The following CENPM variants were observed in gnomAD, a reference collection of about 807,000 sequenced individuals.
CENPM encodes the protein interphase centromere complex protein 39.
CENPM carries 14 observed loss-of-function variants against 19.6 expected under a neutral mutation model. The observed-to-expected ratio is 0.71, with a 90% confidence interval of 0.47 to 1.11. The LOEUF is 1.11. Among genes scored for constraint, CENPM ranks in the 50% most tolerant of loss-of-function variants. The probability of loss-of-function intolerance (pLI) is 0.00; values close to 1 mark genes in which losing one functional copy is unlikely to be tolerated. For synonymous variants in CENPM, 114 were observed against 101.5 expected (o/e 1.12, Z -0.74); for missense variants, 239 against 228.4 (o/e 1.05, Z -0.30).
chr22:41,939,044 G>A lies in CENPM; in HGVS notation c.*12C>T, dbSNP rs373230417. 6 of 1,612,534 alleles carry A rather than the reference G, an allele frequency of 3.7e-6. No individual in the cohort carries two copies. The highest frequency in any genetic ancestry group is 5.1e-6 in the Non-Finnish European group (6 of 1,179,840). ...AAGCCATGAGAAGGGGCAGCCCAGG[G>A]GCCAGCCACCCTCACAGGTCCTCCA... On this transcript the variant is annotated 3_prime_UTR_variant, in exon 6 of 6. Transcript: ENST00000215980.
chr22:41,938,493 G>A (rs1316207055), downstream of CENPM, among the ~76,000 whole-genome samples: 6 of 151,380 alleles, frequency 4.0e-5, no homozygotes, highest in Admixed American at 4.0e-4. Context: ...AGCCTCCTGA[G>A]TAGCTGGGAC....
At chr22:41,933,979 C>T (rs79223566), downstream of CENPM, among the ~76,000 whole-genome samples, 610 of 152,290 alleles carry the variant, frequency 4.0e-3, 3 homozygotes, top group African/African-American at 0.014. Context: ...AGTTTCTCTC[C>T]AAGCCTCACA....
Position 41,946,026 on chromosome 22 carries a change from G to C in CENPM, c.138-21C>G, listed in dbSNP as rs777087149. 3.1e-6 allele frequency: 5 copies of C among 1,597,756 alleles called. No individual in the cohort carries two copies. The East Asian group carries it at 1.1e-4, about 36-fold the overall frequency. On this transcript the variant is annotated intron_variant, in intron 2 of 5. Coordinates refer to ENST00000215980, the MANE Select transcript of CENPM (RefSeq NM_024053.5). ...AGTGGCTGAAAAACAGGAAATTGCAGGACTCAAGATATCCGTACCCCCCTC... is the reference window on the plus strand; with the variant it reads ...AGTGGCTGAAAAACAGGAAATTGCACGACTCAAGATATCCGTACCCCCCTC...
At chr22:41,939,572 TC>T (rs1345092968) in intron 5 of CENPM, among the ~76,000 whole-genome samples, 5 of 151,552 alleles carry the variant, frequency 3.3e-5, no homozygotes, top group Admixed American at 3.3e-4. Flanking sequence ...CCCCAGATGC[TC>T]AAGACCAGGG....
chr22:41,939,091 T>C lies in CENPM; in HGVS notation c.508A>G (p.Arg170Gly). The change falls in exon 6 of 6, where the codon AGA (arginine) becomes GGA (glycine). Residue 170 changes from arginine to glycine, a missense_variant. Physicochemically the swap from Arg to Gly is moderately radical, Grantham distance 125. Transcript: ENST00000215980. Reference sequence around the variant, plus strand: ...TCCAGGGAGGGGCCCTCAGAGCTTCTCAGCAGGGACAGCAGGTTCAGAGCT... The same window carrying C: ...TCCAGGGAGGGGCCCTCAGAGCTTCCCAGCAGGGACAGCAGGTTCAGAGCT... Reference protein sequence around the residue: ...VSALNLLSLLRSSEGPSLEDL With the variant: ...VSALNLLSLLGSSEGPSLEDL 1.2e-6 allele frequency: 2 copies of C among 1,613,012 alleles called. No homozygotes were observed. The highest frequency in any genetic ancestry group is 1.7e-6 in the Non-Finnish European group (2 of 1,179,982).
chr22:41,945,167 G>A (rs1057245765), intron 4 of CENPM, 58 bp downstream of exon 4: 10 of 1,611,804 alleles, frequency 6.2e-6, no homozygotes, highest in Non-Finnish European at 8.5e-6. Flanking sequence ...GAAGCCTACG[G>A]CCGCCCCAGC....
At position 41,946,487 on chromosome 22, in the gene CENPM, T is replaced by G. The variant is rs1336806962; in HGVS notation, c.67A>C (p.Thr23Pro). The G allele has an allele frequency of 4.3e-6, 7 of 1,613,174 alleles. No homozygotes were observed. The highest frequency in any genetic ancestry group is 5.9e-6 in the Non-Finnish European group (7 of 1,179,938). Residue 23 changes from threonine to proline, a missense_variant, in exon 2 of 6, where the codon ACG becomes CCG. Thr to Pro is a conservative substitution (Grantham distance 38, BLOSUM62 -1). Coordinates refer to ENST00000215980, the MANE Select transcript of CENPM (RefSeq NM_024053.5). Reference sequence around the variant, plus strand: ...AGCTGCTGCAGAAGAGCATCCTCCGTGCCCACCAGCTGCGCAGGGAGAGAG... The same window carrying G: ...AGCTGCTGCAGAAGAGCATCCTCCGGGCCCACCAGCTGCGCAGGGAGAGAG... ...LNTATILLVGTEDALLQQLAD... is the reference protein window; with the variant it reads ...LNTATILLVGPEDALLQQLAD...
chr22:41,946,957 T>C (rs1051523346), intron 1 of CENPM, 63 bp downstream of exon 1: 8 of 1,539,062 alleles, frequency 5.2e-6, no homozygotes, highest in African/African-American at 4.1e-5. Flanking sequence ...TCAGTTGACC[T>C]AGTGGCTGAA....
intron 5 of CENPM, 97 bp from the exon 6 acceptor site, chr22:41,939,293 G>T: frequency 7.0e-7 from 1 of 1,433,248 alleles, no homozygotes; most frequent in Non-Finnish European, 9.3e-7. Flanking sequence ...GCTGGGGGCG[G>T]ATACTTGGGG....
intron 4 of CENPM, chr22:41,944,625 G>A: frequency 1.0e-6 from 1 of 960,546 alleles, no homozygotes; most frequent in Middle Eastern, 5.3e-4. Context: ...CACAGTGACA[G>A]CTCAAAAGAT....
chr22:41,941,536 T>C (rs530976502), intron 5 of CENPM, among the ~76,000 whole-genome samples: 1 of 152,320 alleles, frequency 6.6e-6, no homozygotes, highest in East Asian at 1.9e-4. Context: ...ACCTGAACTA[T>C]GGAGCAAAGA....
At chr22:41,930,044 C>T in the CENPM span, among the ~76,000 whole-genome samples, 2 of 146,080 alleles carry the variant, frequency 1.4e-5, no homozygotes, top group African/African-American at 2.5e-5. Context: ...CCCAGGTTCA[C>T]GCCATTCTCC....
At chr22:41,927,698 C>T in the CENPM span, among the ~76,000 whole-genome samples, 4 of 152,046 alleles carry the variant, frequency 2.6e-5, no homozygotes, top group African/African-American at 9.7e-5. Context: ...TGGGGTTTCA[C>T]CATTTGGCCA....
At chr22:41,941,170 C>CCTT (rs1421860524) in intron 5 of CENPM, among the ~76,000 whole-genome samples, 1 of 152,204 alleles carries the variant, frequency 6.6e-6, no homozygotes, top group Admixed American at 6.5e-5. Context: ...CAATCACATA[C>CCTT]CTTCCTGTGT....
At chr22:41,930,088 C>T in the CENPM span, among the ~76,000 whole-genome samples, 3 of 151,412 alleles carry the variant, frequency 2.0e-5, no homozygotes, top group South Asian at 2.1e-4. Flanking sequence ...GGACTACAGG[C>T]GCCCGCCACC....
chr22:41,930,176 C>T, the CENPM span, among the ~76,000 whole-genome samples: 6 of 150,820 alleles, frequency 4.0e-5, no homozygotes, highest in Non-Finnish European at 8.8e-5. Flanking sequence ...CTCCTCACCT[C>T]GAGATCTGCC....
At chr22:41,936,381 C>T (rs563148351), downstream of CENPM, among the ~76,000 whole-genome samples, 6 of 152,330 alleles carry the variant, frequency 3.9e-5, no homozygotes, top group South Asian at 2.1e-4. Context: ...CTGCAAATGT[C>T]GGGTGACATG....
At chr22:41,935,307 T>C (rs1002985664), downstream of CENPM, among the ~76,000 whole-genome samples, 4 of 151,850 alleles carry the variant, frequency 2.6e-5, no homozygotes, top group African/African-American at 9.7e-5. Flanking sequence ...GGGGAAGGCC[T>C]CTCCTCCTGG....
chr22:41,934,634 ACCAGCCTGGG>A (rs2077676594), downstream of CENPM, among the ~76,000 whole-genome samples: 2 of 152,214 alleles, frequency 1.3e-5, no homozygotes, highest in Non-Finnish European at 2.9e-5. Flanking sequence ...GCAATTTGAG[ACCAGCCTGGG>A]CAGCATAGCA....
Sources: gnomAD v4.1 joint callset for allele counts (sites outside exome capture counted in the v4.1 genomes callset) on GRCh38, gnomAD v4.1.1 for gene constraint, MANE v1.5 for transcripts, NCBI Gene and HGNC (gene_info 2026-07-23, HGNC 2026-07-21) for gene names.